PDE7B: variants seen among roughly 807,000 people sequenced by gnomAD.
PDE7B encodes the protein 3',5'-cyclic-AMP phosphodiesterase 7B.
PDE7B carries 29 observed loss-of-function variants against 56.2 expected under a neutral mutation model. That is an observed-to-expected ratio of 0.52 (90% CI 0.38 to 0.70). The LOEUF (loss-of-function observed/expected upper bound fraction) is 0.70. PDE7B is among the 30% of genes least tolerant of loss of function. The pLI is 0.00. For missense variants in PDE7B, 490 were observed against 565.0 expected (o/e 0.87, Z 1.35); for synonymous variants, 197 against 196.9 (o/e 1.00, Z 0.00).
At chr6:135,965,760 G>T (rs113837761) in intron 2 of PDE7B, among the ~76,000 whole-genome samples, 2,349 of 152,228 alleles carry the variant, frequency 0.015, 29 homozygotes, top group Non-Finnish European at 0.026. Flanking sequence ...TTCAAAATGA[G>T]ATTTGAGTGA....
chr6:136,117,283 C>T (rs927903102), intron 3 of PDE7B: 4 of 152,172 alleles, frequency 2.6e-5, no homozygotes, highest in African/African-American at 9.7e-5. Context: ...AAATTAAATT[C>T]AACCTCCTAC....
At chr6:135,873,170 T>C (rs1475750073) in intron 1 of PDE7B, among the ~76,000 whole-genome samples, 1 of 152,194 alleles carries the variant, frequency 6.6e-6, no homozygotes, top group Non-Finnish European at 1.5e-5. Context: ...TGTCATTAAG[T>C]GGCAATTGTT....
chr6:135,869,794 C>T (rs1775338996), intron 1 of PDE7B, among the ~76,000 whole-genome samples: 1 of 152,108 alleles, frequency 6.6e-6, no homozygotes, highest in African/African-American at 2.4e-5. Context: ...AAAGAGTGAT[C>T]CCGGCAGAGG....
intron 2 of PDE7B, among the ~76,000 whole-genome samples, chr6:135,978,942 C>T (rs952050414): frequency 6.6e-6 from 1 of 151,960 alleles, no homozygotes; most frequent in South Asian, 2.1e-4. Flanking sequence ...GAGAGGGCAT[C>T]CGTGTCTTGT....
intron 3 of PDE7B, among the ~76,000 whole-genome samples, chr6:136,139,524 A>G (rs1285434375): frequency 8.5e-5 from 13 of 152,198 alleles, no homozygotes; most frequent in Non-Finnish European, 1.9e-4. Flanking sequence ...TTCTAGTTCT[A>G]GATCCTTGAG....
chr6:136,136,053 A>G (rs755391737), intron 3 of PDE7B, among the ~76,000 whole-genome samples: 4 of 152,080 alleles, frequency 2.6e-5, no homozygotes, highest in Admixed American at 6.6e-5. Context: ...ATCCTCATGT[A>G]TGCTTTCAAG....
intron 1 of PDE7B, among the ~76,000 whole-genome samples, chr6:135,877,715 T>G (rs1282732146): frequency 6.8e-6 from 1 of 147,952 alleles, no homozygotes. Flanking sequence ...CCATATTCTT[T>G]GGGAAGTACA....
At chr6:136,051,856 C>T (rs780435118) in intron 2 of PDE7B, among the ~76,000 whole-genome samples, 21 of 152,068 alleles carry the variant, frequency 1.4e-4, no homozygotes, top group Non-Finnish European at 2.4e-4. Flanking sequence ...AATATACTTA[C>T]GGGCTGGTTA....
chr6:135,854,912 A>G (rs1176973424), intron 1 of PDE7B, among the ~76,000 whole-genome samples: 2 of 152,202 alleles, frequency 1.3e-5, no homozygotes, highest in Admixed American at 6.5e-5. Context: ...AAATATGTCA[A>G]AGTTCTTATG....
At position 136,192,873 on chromosome 6, in the gene PDE7B, C is replaced by T. The variant is rs1160806602; in HGVS notation, c.*1033C>T. ...TCCTCATAGATGTCTTTCTCAACTGCCTTCCCATGTTCATCTGTATGTTTT... is the reference window on the plus strand; with the variant it reads ...TCCTCATAGATGTCTTTCTCAACTGTCTTCCCATGTTCATCTGTATGTTTT... On this transcript the variant is annotated 3_prime_UTR_variant, in exon 13 of 13. Coordinates refer to ENST00000308191, the MANE Select transcript of PDE7B (RefSeq NM_018945.4). 1.3e-5 allele frequency: 2 copies of T among 152,328 alleles called. No homozygotes were observed. The highest frequency in any genetic ancestry group is 2.1e-4 in the South Asian group (1 of 4,834). The allele number at this position is 152,328 out of a possible 1,614,324, so 9.4% of individuals were successfully genotyped here. A position where few individuals can be genotyped will look rare whatever the true frequency, so the allele number is the denominator to read the frequency against.
At chr6:136,154,741 C>T (rs992883820) in intron 7 of PDE7B, among the ~76,000 whole-genome samples, 1 of 152,208 alleles carries the variant, frequency 6.6e-6, no homozygotes, top group African/African-American at 2.4e-5. Flanking sequence ...TGTAATAATG[C>T]TCAATACTCA....
At chr6:136,148,899 C>T (rs140194861) in intron 4 of PDE7B, among the ~76,000 whole-genome samples, 188 bp from the exon 5 acceptor site, 17 of 152,242 alleles carry the variant, frequency 1.1e-4, no homozygotes, top group Admixed American at 6.5e-4. Flanking sequence ...CGTGTTGTGA[C>T]GGTCTTTTTG....
At chr6:135,870,617 A>C (rs574272216) in intron 1 of PDE7B, among the ~76,000 whole-genome samples, 6 of 152,002 alleles carry the variant, frequency 3.9e-5, no homozygotes, top group Non-Finnish European at 8.8e-5. Context: ...GGTACCATTC[A>C]CTGAATTAGG....
At chr6:136,089,354 T>C (rs1269985895) in intron 2 of PDE7B, among the ~76,000 whole-genome samples, 4 of 152,224 alleles carry the variant, frequency 2.6e-5, no homozygotes, top group Admixed American at 6.5e-5. Flanking sequence ...TTTGAATTTA[T>C]TTCAAGCAGT....
At chr6:135,963,242 A>G (rs1198641123) in intron 2 of PDE7B, among the ~76,000 whole-genome samples, 1 of 152,216 alleles carries the variant, frequency 6.6e-6, no homozygotes, top group Non-Finnish European at 1.5e-5. Context: ...GGGAATTTGC[A>G]GTTTTCATTA....
chr6:135,858,586 A>T (rs916672448), intron 1 of PDE7B, among the ~76,000 whole-genome samples: 3 of 152,204 alleles, frequency 2.0e-5, no homozygotes, highest in Admixed American at 2.0e-4. Flanking sequence ...GCCAGGAGAT[A>T]GGGAGCCCAT....
chr6:136,114,388 T>TTCTTTGACATATAAAACACACTC (rs543771966), intron 3 of PDE7B, among the ~76,000 whole-genome samples: 2 of 152,264 alleles, frequency 1.3e-5, no homozygotes, highest in Middle Eastern at 3.4e-3. Flanking sequence ...CAGCCATTCT[T>TTCTTTGACATATAAAACACACTC]TCTTTGACAT....
Position 136,153,969 on chromosome 6 carries a change from T to A in PDE7B, c.479-106T>A, listed in dbSNP as rs1778565813. ...TTAAAGCATCTCTATGCTGCACATT[T>A]TGGAGGCACTGATATTTTTAAGCAA... On this transcript the variant is annotated intron_variant, in intron 6 of 12. Transcript: ENST00000308191. The A allele has an allele frequency of 1.4e-5, 10 of 698,148 alleles. No individual in the cohort carries two copies. In the South Asian group the frequency reaches 1.7e-4, roughly 12 times the overall value. The allele number at this position is 698,148 out of a possible 1,614,324, so 43.2% of individuals were successfully genotyped here. A position where few individuals can be genotyped will look rare whatever the true frequency, so the allele number is the denominator to read the frequency against.
chr6:136,031,226 C>A (rs767219157), intron 2 of PDE7B, among the ~76,000 whole-genome samples: 9 of 152,218 alleles, frequency 5.9e-5, no homozygotes, highest in Non-Finnish European at 1.3e-4. Flanking sequence ...TATACTCTAG[C>A]CTTGCTATTC....
Sources: allele counts gnomAD v4.1 joint callset (sites outside exome capture counted in the v4.1 genomes callset), GRCh38; gene constraint gnomAD v4.1.1; transcripts MANE v1.5; gene names NCBI Gene and HGNC (gene_info 2026-07-23, HGNC 2026-07-21).